Variants in ZNF727 observed in about 807,000 individuals in gnomAD.
The protein encoded by ZNF727 is zinc finger protein 727.
In ZNF727, 11 loss-of-function variants were observed where a neutral mutation model predicts 11.5. The ratio of observed to expected loss-of-function variants is 0.95; its 90% CI spans 0.60 to 1.58. The LOEUF is 1.58. Among genes scored for constraint, ZNF727 ranks in the 40% most tolerant of loss-of-function variants. The pLI is 0.00. For missense variants in ZNF727, 533 were observed against 581.7 expected (o/e 0.92, Z 0.86); for synonymous variants, 171 against 196.1 (o/e 0.87, Z 1.07).
intron 3 of ZNF727, among the ~76,000 whole-genome samples, chr7:64,076,980 C>T (rs1315011773): frequency 6.6e-6 from 1 of 152,122 alleles, no homozygotes; most frequent in African/African-American, 2.4e-5. Context: ...TTAAAGTCAT[C>T]ATGGGATGAA....
Position 64,081,410 on chromosome 7 carries a change from G to C in ZNF727, c.*2861G>C, listed in dbSNP as rs1281838839. 6.6e-6 allele frequency among the ~76,000 whole-genome samples: 1 copy of C among 152,104 alleles called. No homozygotes were observed. The highest frequency in any genetic ancestry group is 1.9e-4 in the East Asian group (1 of 5,178). On this transcript the variant is annotated 3_prime_UTR_variant, in exon 4 of 4. Coordinates refer to ENST00000456806, the MANE Select transcript of ZNF727 (RefSeq NM_001159522.3). ...ATAGCAATTGCTGGGAGTGGCAGGG[G>C]CATACTACATTTCCATTTTCTGGTG... is the stretch of plus-strand genomic sequence containing the variant.
chr7:64,078,875 A>G lies in ZNF727; in HGVS notation c.*326A>G, dbSNP rs903201682. 3.3e-5 allele frequency among the ~76,000 whole-genome samples: 5 copies of G among 152,118 alleles called. No individual in the cohort carries two copies. Among genetic ancestry groups the G allele is most frequent in the African/African-American group, 7.2e-5 (3 of 41,426 alleles). On this transcript the variant is annotated 3_prime_UTR_variant, in exon 4 of 4. Coordinates refer to ENST00000456806, the MANE Select transcript of ZNF727 (RefSeq NM_001159522.3). ...GTGGTTCTGAGACCTTGCTAAACAT[A>G]AGATAATTCATATTGGAGAGAAACC...
In ZNF727 at chr7:64,079,929, G is replaced by A. The variant is rs766447890; in HGVS notation, c.*1380G>A. On this transcript the variant is annotated 3_prime_UTR_variant, in exon 4 of 4. Transcript: ENST00000456806. ...TTTGCTTCTGAAGCTTACTTTGGCC[G>A]GATGTGAACTTCTGGATTAGAATTC... is the stretch of plus-strand genomic sequence containing the variant. Among the ~76,000 whole-genome samples the A allele has an allele frequency of 1.6e-4, 25 of 152,102 alleles. No individual in the cohort carries two copies. The highest frequency in any genetic ancestry group is 2.4e-4 in the African/African-American group (10 of 41,408).
At chr7:64,059,592 A>G (rs991615106) in intron 1 of ZNF727, among the ~76,000 whole-genome samples, 4 of 152,176 alleles carry the variant, frequency 2.6e-5, no homozygotes, top group African/African-American at 9.6e-5. Flanking sequence ...TCTTCATAAC[A>G]TCTTTCTTCT....
intron 2 of ZNF727, among the ~76,000 whole-genome samples, chr7:64,069,279 A>C (rs543109272): frequency 1.3e-5 from 2 of 151,910 alleles, no homozygotes; most frequent in Admixed American, 6.6e-5. Flanking sequence ...ATTGTTACCC[A>C]CTCCTAAAAA....
chr7:64,051,730 G>A (rs1408480663), intron 1 of ZNF727, among the ~76,000 whole-genome samples: 4 of 151,950 alleles, frequency 2.6e-5, no homozygotes, highest in African/African-American at 4.8e-5. Flanking sequence ...TAAGATTTAC[G>A]TCTCCTAGAG....
chr7:64,059,030 C>T (rs1377824171), intron 1 of ZNF727, among the ~76,000 whole-genome samples: 3 of 150,616 alleles, frequency 2.0e-5, no homozygotes, highest in Non-Finnish European at 4.4e-5. Context: ...CTGCAACCTC[C>T]GCCTCCCGGG....
At chr7:64,055,611 G>A (rs1477705375) in intron 1 of ZNF727, among the ~76,000 whole-genome samples, 2 of 152,130 alleles carry the variant, frequency 1.3e-5, no homozygotes, top group African/African-American at 2.4e-5. Context: ...AGTTATGTAA[G>A]TGGAGTCATA....
At position 64,083,408 on chromosome 7, in the gene ZNF727, G is replaced by T. The variant is rs1216956360; in HGVS notation, c.*4859G>T. ...TACCCTGTGGGGCACTGTGGAAGTGGGTCCTGCAGACCATCACTGCTCAGC... is the reference window on the plus strand; with the variant it reads ...TACCCTGTGGGGCACTGTGGAAGTGTGTCCTGCAGACCATCACTGCTCAGC... On this transcript the variant is annotated 3_prime_UTR_variant, in exon 4 of 4. Transcript: ENST00000456806. 2.0e-5 allele frequency among the ~76,000 whole-genome samples: 3 copies of T among 152,152 alleles called. No homozygotes were observed. Among genetic ancestry groups the T allele is most frequent in the African/African-American group, 7.2e-5 (3 of 41,416 alleles).
At chr7:64,073,472 G>A (rs1400183422) in intron 3 of ZNF727, among the ~76,000 whole-genome samples, 1 of 150,500 alleles carries the variant, frequency 6.6e-6, no homozygotes, top group African/African-American at 2.4e-5. Context: ...TTCTATTTTT[G>A]AGTTATTGAG....
At position 64,079,045 on chromosome 7, in the gene ZNF727, G is replaced by A. The variant is rs371171107; in HGVS notation, c.*496G>A. On this transcript the variant is annotated 3_prime_UTR_variant, in exon 4 of 4. Coordinates refer to ENST00000456806, the MANE Select transcript of ZNF727 (RefSeq NM_001159522.3). The stretch of plus-strand genomic sequence containing the variant: ...ACTCCTCAATCCTTATTAACCACAA[G>A]AGAATTCATATGGAAGAGGGACCTT... Among the ~76,000 whole-genome samples, 83 of 152,170 alleles carry A rather than the reference G, an allele frequency of 5.5e-4. 2 individuals are homozygous for A. In the South Asian group the frequency reaches 0.014, roughly 25 times the overall value.
intron 1 of ZNF727, among the ~76,000 whole-genome samples, chr7:64,059,239 G>C (rs1485884543): frequency 3.9e-5 from 6 of 151,962 alleles, no homozygotes; most frequent in Non-Finnish European, 8.8e-5. Flanking sequence ...CGCCGCACCT[G>C]GCTGGCTATT....
chr7:64,045,642 G>T lies in ZNF727; in HGVS notation c.3+18G>T. ...GGGAAATGGTGAGTGCGCGGAGTGG[G>T]TGTCCCGAGAAGGGGGAAGAGGCTG... On this transcript the variant is annotated intron_variant, in intron 1 of 3. Transcript: ENST00000456806. 6.4e-7 allele frequency: 1 copy of T among 1,559,404 alleles called. No homozygotes were observed. The highest frequency in any genetic ancestry group is 8.7e-7 in the Non-Finnish European group (1 of 1,151,376).
At chr7:64,065,324 A>T (rs569034576) in intron 1 of ZNF727, among the ~76,000 whole-genome samples, 2 of 152,246 alleles carry the variant, frequency 1.3e-5, no homozygotes, top group East Asian at 3.9e-4. Flanking sequence ...GCTGCAGTAG[A>T]AATTTCTGGC....
chr7:64,047,348 A>T (rs1012344785), intron 1 of ZNF727, among the ~76,000 whole-genome samples: 1 of 152,222 alleles, frequency 6.6e-6, no homozygotes, highest in African/African-American at 2.4e-5. Context: ...TTAAGAGAGC[A>T]GTAGGTGGCT....
Position 64,078,616 on chromosome 7 carries a change from T to A in ZNF727, c.*67T>A. ...AAAGCTTTTACGTGGATCTTGGCCC[T>A]TAGTAAACACAAGAGAATTCATACT... On this transcript the variant is annotated 3_prime_UTR_variant, in exon 4 of 4. Transcript: ENST00000456806. 2 of 1,486,970 alleles carry A rather than the reference T, an allele frequency of 1.3e-6. No individual in the cohort carries two copies. The highest frequency in any genetic ancestry group is 1.2e-5 in the South Asian group (1 of 84,950). 92.1% of individuals were successfully genotyped at this position (1,486,970 alleles called of 1,614,324 possible).
At chr7:64,058,990 G>T (rs1789729318) in intron 1 of ZNF727, among the ~76,000 whole-genome samples, 1 of 148,078 alleles carries the variant, frequency 6.8e-6, no homozygotes, top group Non-Finnish European at 1.5e-5. Flanking sequence ...AGTTGCCCAG[G>T]CTGGAGTGTA....
At chr7:64,057,527 G>A (rs957334172) in intron 1 of ZNF727, among the ~76,000 whole-genome samples, 1 of 152,032 alleles carries the variant, frequency 6.6e-6, no homozygotes, top group African/African-American at 2.4e-5. Context: ...TGGACACCTT[G>A]GGGGAACAAC....
At chr7:64,070,035 T>TA (rs1235343493) in intron 3 of ZNF727, among the ~76,000 whole-genome samples, 1 of 152,044 alleles carries the variant, frequency 6.6e-6, no homozygotes, top group African/African-American at 2.4e-5. Context: ...GTTTTGGTGA[T>TA]ATTGCAATTT....
Sources: allele counts gnomAD v4.1 joint callset (sites outside exome capture counted in the v4.1 genomes callset), GRCh38; gene constraint gnomAD v4.1.1; transcripts MANE v1.5; gene names NCBI Gene and HGNC (gene_info 2026-07-23, HGNC 2026-07-21).